C2CD2: variants seen among roughly 807,000 people sequenced by gnomAD.
C2CD2 encodes C2 domain-containing protein 2.
C2CD2 carries 43 observed loss-of-function variants against 74.3 expected under a neutral mutation model. That is an observed-to-expected ratio of 0.58 (90% CI 0.45 to 0.75). The LOEUF (loss-of-function observed/expected upper bound fraction) is 0.75. C2CD2 is among the 30% of genes least tolerant of loss of function. The pLI, the probability that C2CD2 is intolerant of heterozygous loss-of-function variation, is 0.00. For missense variants in C2CD2, 801 were observed against 916.3 expected (o/e 0.87, Z 1.63); for synonymous variants, 422 against 390.7 (o/e 1.08, Z -0.94).
intron 2 of C2CD2, among the ~76,000 whole-genome samples, chr21:41,936,925 TCTC>T (rs1181391663): frequency 6.6e-6 from 1 of 150,732 alleles, no homozygotes; most frequent in Non-Finnish European, 1.5e-5. Flanking sequence ...TTCAAGCAAT[TCTC>T]CTGCCTCAGC....
chr21:41,932,576 T>C (rs2065272056), intron 2 of C2CD2, among the ~76,000 whole-genome samples: 1 of 150,506 alleles, frequency 6.6e-6, no homozygotes, highest in Non-Finnish European at 1.5e-5. Context: ...GGAGTTGAAC[T>C]GTAGGACACC....
At position 41,892,758 on chromosome 21, in the gene C2CD2, G is replaced by A. The variant is rs1401714519; in HGVS notation, c.1871-3414C>T. Among the ~76,000 whole-genome samples, 2 of 152,238 alleles carry A rather than the reference G, an allele frequency of 1.3e-5. No homozygotes were observed. Among genetic ancestry groups the A allele is most frequent in the Non-Finnish European group, 2.9e-5 (2 of 68,036 alleles). Reference sequence around the variant, plus strand: ...AATGCCACTAGTGCTTAGAGCACTCGGAGGCCACAGCCGACAACGCAGGAG... The same window carrying A: ...AATGCCACTAGTGCTTAGAGCACTCAGAGGCCACAGCCGACAACGCAGGAG... On this transcript the variant is annotated intron_variant, in intron 13 of 13. Transcript: ENST00000380486. This position sits in a 1 kb window ranked among gnomAD's most constrained non-coding sequence, Gnocchi z 4.6.
intron 2 of C2CD2, among the ~76,000 whole-genome samples, chr21:41,937,962 G>A (rs8131704): frequency 0.036 from 5,506 of 152,248 alleles, 355 homozygotes; most frequent in African/African-American, 0.12. Context: ...AGTTGGGGAC[G>A]TCGGGGAGGT....
intron 11 of C2CD2, among the ~76,000 whole-genome samples, chr21:41,905,300 C>T (rs112751785): frequency 2.1e-5 from 3 of 145,598 alleles, no homozygotes; most frequent in African/African-American, 7.6e-5. Flanking sequence ...AAAACAAAAG[C>T]AAATCAAAAC....
chr21:41,940,113 A>G (rs534782748), intron 2 of C2CD2, among the ~76,000 whole-genome samples: 1 of 152,308 alleles, frequency 6.6e-6, no homozygotes, highest in South Asian at 2.1e-4. Flanking sequence ...ATATTCAAAA[A>G]TCCAAAAAAA....
rs1601550614 is a variant in C2CD2 at position 41,899,010 on chromosome 21, C to T, written c.1870+43G>A. ...TTGGAAGCCAGCATGAGCGCAAAGC[C>T]ACCAAGTGGGGGGCCCGGGATGGGG... is the stretch of plus-strand genomic sequence containing the variant. On this transcript the variant is annotated intron_variant, in intron 13 of 13. Coordinates refer to ENST00000380486, the MANE Select transcript of C2CD2 (RefSeq NM_015500.2). This position sits in a 1 kb window ranked among gnomAD's most constrained non-coding sequence, Gnocchi z 4.4. 6.6e-7 allele frequency: 1 copy of T among 1,505,964 alleles called. No homozygotes were observed. The highest frequency in any genetic ancestry group is 9.1e-7 in the Non-Finnish European group (1 of 1,093,456). 93.3% of individuals were successfully genotyped at this position (1,505,964 alleles called of 1,614,324 possible).
In C2CD2 at chr21:41,924,875, C is replaced by T. The variant is rs1342017477; in HGVS notation, c.379-2790G>A. On this transcript the variant is annotated intron_variant, in intron 2 of 13. Coordinates refer to ENST00000380486, the MANE Select transcript of C2CD2 (RefSeq NM_015500.2). This position sits in a 1 kb window ranked among gnomAD's most constrained non-coding sequence, Gnocchi z 4.4. ...GTATCCAGTTCTGCAGAAAGCTTCC[C>T]ACCACGCACTCCCTGATACACAGAG... 6.6e-6 allele frequency among the ~76,000 whole-genome samples: 1 copy of T among 152,106 alleles called. No individual in the cohort carries two copies. Among genetic ancestry groups the T allele is most frequent in the African/African-American group, 2.4e-5 (1 of 41,404 alleles).
At chr21:41,909,745 AG>A in intron 7 of C2CD2, among the ~76,000 whole-genome samples, 1 of 152,218 alleles carries the variant, frequency 6.6e-6, no homozygotes, top group East Asian at 1.9e-4. Context: ...AGTAGTCAAC[AG>A]GATGTTCTGT....
At chr21:41,907,545 A>T in intron 9 of C2CD2, 115 bp downstream of exon 9, 1 of 1,128,054 alleles carries the variant, frequency 8.9e-7, no homozygotes, top group African/African-American at 1.6e-5. Context: ...CTCCTCTTGG[A>T]GGAGGTCTTA....
intron 11 of C2CD2, among the ~76,000 whole-genome samples, chr21:41,905,000 C>T (rs1021040691): frequency 6.6e-6 from 1 of 152,156 alleles, no homozygotes; most frequent in Non-Finnish European, 1.5e-5. Flanking sequence ...GTGACCATTT[C>T]CTAGTGGAAG....
chr21:41,894,409 C>G (rs1032414402), intron 13 of C2CD2, among the ~76,000 whole-genome samples: 1 of 152,184 alleles, frequency 6.6e-6, no homozygotes, highest in Admixed American at 6.5e-5. Flanking sequence ...TGGGGTCGCA[C>G]ACTAATGGGA....
chr21:41,920,300 A>C (rs1027143484), intron 3 of C2CD2, among the ~76,000 whole-genome samples: 7 of 152,158 alleles, frequency 4.6e-5, no homozygotes, highest in Non-Finnish European at 1.0e-4. Context: ...CAGCCATAGA[A>C]AGCTAATATT....
chr21:41,905,416 C>A (rs1483441982), intron 11 of C2CD2, among the ~76,000 whole-genome samples: 1 of 149,662 alleles, frequency 6.7e-6, no homozygotes, highest in Non-Finnish European at 1.5e-5. Context: ...CTCCCAGGTT[C>A]AAGCGATTCT....
chr21:41,904,800 G>A (rs2064940869), intron 11 of C2CD2, among the ~76,000 whole-genome samples: 1 of 152,192 alleles, frequency 6.6e-6, no homozygotes, highest in African/African-American at 2.4e-5. Context: ...AGGACTCAGC[G>A]AATGTGGGAG....
intron 5 of C2CD2, among the ~76,000 whole-genome samples, chr21:41,916,403 C>A (rs999647274): frequency 6.7e-6 from 1 of 148,718 alleles, no homozygotes; most frequent in African/African-American, 2.5e-5. Context: ...CGCAATGGAA[C>A]AGAAAGGCTG....
chr21:41,913,376 G>A (rs2065050866), intron 6 of C2CD2, among the ~76,000 whole-genome samples: 2 of 152,366 alleles, frequency 1.3e-5, no homozygotes, highest in South Asian at 2.1e-4. Flanking sequence ...GCAGCAGGGT[G>A]AAGCAGCCTC....
At chr21:41,952,924 A>G (rs775810141) in intron 1 of C2CD2, 32 of 161,098 alleles carry the variant, frequency 2.0e-4, no homozygotes, top group Non-Finnish European at 3.4e-4. Flanking sequence ...CAAGAAATGC[A>G]AGTCTTTGGA....
Position 41,945,256 on chromosome 21 carries a change from CAGAG to C in C2CD2, c.280-3015_280-3012del, listed in dbSNP as rs769723792. 3.5e-4 allele frequency among the ~76,000 whole-genome samples: 53 copies of C among 152,238 alleles called. No individual in the cohort carries two copies. The highest frequency in any genetic ancestry group is 7.2e-4 in the Admixed American group (11 of 15,300). The stretch of plus-strand genomic sequence containing the variant: ...ACAATCACGGTTTTTCAGATAAACA[CAGAG>C]AGAAATACACAGAAATATAGACATG... On this transcript the variant is annotated intron_variant, in intron 1 of 13. Transcript: ENST00000380486. The surrounding 1 kb of genome is among the most constrained non-coding windows in gnomAD (Gnocchi z 4.2).
At chr21:41,914,523 G>GC in intron 6 of C2CD2, 75 bp downstream of exon 6, 7 of 1,366,706 alleles carry the variant, frequency 5.1e-6, no homozygotes, top group South Asian at 1.4e-5. Flanking sequence ...AGAATCCAAG[G>GC]CCCCCCGGAG....
Sources: allele counts gnomAD v4.1 joint callset (sites outside exome capture counted in the v4.1 genomes callset), GRCh38; gene constraint gnomAD v4.1.1; non-coding constraint Gnocchi (gnomAD v3.1); transcripts MANE v1.5; gene names NCBI Gene and HGNC (gene_info 2026-07-23, HGNC 2026-07-21).